Variants in NFIL3 observed in about 807,000 individuals in gnomAD.
The protein encoded by NFIL3 is nuclear factor, interleukin 3 regulated.
NFIL3 carries 5 observed loss-of-function variants against 10.0 expected under a neutral mutation model. The observed-to-expected ratio is 0.50, with a 90% CI of 0.26 to 1.06. The LOEUF (loss-of-function observed/expected upper bound fraction) is 1.06, where lower values mean the gene tolerates loss of function less well. Ranked by LOEUF, NFIL3 falls within the 50% of genes least tolerant of loss-of-function variation. The pLI, the probability that NFIL3 is intolerant of heterozygous loss-of-function variation, is 0.13. For synonymous variants in NFIL3, 202 were observed against 206.5 expected (o/e 0.98, Z 0.19); for missense variants, 436 against 547.6 (o/e 0.80, Z 2.03).
rs1189168389 is a variant in NFIL3 at position 91,410,236 on chromosome 9, C to T, written c.499G>A (p.Glu167Lys). The stretch of plus-strand genomic sequence containing the variant: ...CAACTACTTGACACCATCGAGGGTT[C>T]GTGCTCGTCCACAAATGAACTCACA... Reference protein sequence around the residue: ...SNVSSFVDEHEPSMVSSSCIS... With the variant: ...SNVSSFVDEHKPSMVSSSCIS... The change falls in exon 2 of 2, where the codon GAA becomes AAA. Residue 167 changes from glutamate (E) to lysine (K), a missense_variant. Coordinates refer to ENST00000297689, the MANE Select transcript of NFIL3 (RefSeq NM_005384.3). The surrounding 1 kb of genome is among the most constrained non-coding windows in gnomAD (Gnocchi z 5.7). 5 of 1,613,978 alleles carry T rather than the reference C, an allele frequency of 3.1e-6. No homozygotes were observed. Among genetic ancestry groups the T allele is most frequent in the South Asian group, 1.1e-5 (1 of 91,076 alleles).
the NFIL3 span, among the ~76,000 whole-genome samples, chr9:91,454,405 C>A: frequency 2.6e-5 from 4 of 151,576 alleles, no homozygotes; most frequent in Non-Finnish European, 4.4e-5. Context: ...TACAAAACAC[C>A]GAATTTTTGA....
the NFIL3 span, among the ~76,000 whole-genome samples, chr9:91,457,286 T>C: frequency 1.3e-5 from 2 of 152,080 alleles, no homozygotes; most frequent in African/African-American, 2.4e-5. Context: ...TGTGATCTCA[T>C]TGAATTTATA....
At chr9:91,447,539 A>C in the NFIL3 span, among the ~76,000 whole-genome samples, 1 of 152,210 alleles carries the variant, frequency 6.6e-6, no homozygotes, top group Non-Finnish European at 1.5e-5. Flanking sequence ...GTATCTGTGA[A>C]GTGATATCTC....
chr9:91,409,256 A>C lies in NFIL3; in HGVS notation c.*90T>G. 3 of 1,209,396 alleles carry C rather than the reference A, an allele frequency of 2.5e-6. No individual in the cohort carries two copies. In the East Asian group the frequency reaches 7.1e-5, roughly 29 times the overall value. 74.9% of individuals were successfully genotyped at this position (1,209,396 alleles called of 1,614,324 possible). On this transcript the variant is annotated 3_prime_UTR_variant, in exon 2 of 2. Transcript: ENST00000297689. ...GCACATCACAGTGAAATGACATCAC[A>C]GGTCCAGTGAAAATTCAGCATAATA... is the stretch of plus-strand genomic sequence containing the variant.
chr9:91,432,118 G>A, the NFIL3 span, among the ~76,000 whole-genome samples: 8 of 152,156 alleles, frequency 5.3e-5, no homozygotes, highest in African/African-American at 1.9e-4. Flanking sequence ...AGGGGCTACC[G>A]GGGCAGGTGA....
chr9:91,457,686 A>ATGT, the NFIL3 span, among the ~76,000 whole-genome samples: 1 of 151,952 alleles, frequency 6.6e-6, no homozygotes, highest in Non-Finnish European at 1.5e-5. Flanking sequence ...GTCTTTCATC[A>ATGT]CCTTATTACA....
chr9:91,424,086 G>A (rs1004679488), upstream of NFIL3, among the ~76,000 whole-genome samples: 1 of 151,570 alleles, frequency 6.6e-6, no homozygotes, highest in African/African-American at 2.4e-5. Flanking sequence ...CGCCCGCGAG[G>A]GCTGGCGCCC....
At chr9:91,448,202 G>A in the NFIL3 span, among the ~76,000 whole-genome samples, 1 of 151,446 alleles carries the variant, frequency 6.6e-6, no homozygotes, top group Admixed American at 6.6e-5. Context: ...TTACTTTCTT[G>A]TTCATTTTGG....
At chr9:91,461,629 A>T in the NFIL3 span, among the ~76,000 whole-genome samples, 1 of 152,144 alleles carries the variant, frequency 6.6e-6, no homozygotes, top group East Asian at 1.9e-4. Flanking sequence ...TTCTTGGCTT[A>T]TGGCCGCGTC....
chr9:91,419,800 C>T (rs533724499), intron 1 of NFIL3, among the ~76,000 whole-genome samples: 31 of 152,306 alleles, frequency 2.0e-4, no homozygotes, highest in South Asian at 2.1e-4. Flanking sequence ...TTTTGCTGCT[C>T]GTGACTCTTA....
intron 1 of NFIL3, among the ~76,000 whole-genome samples, chr9:91,420,433 ACTC>A (rs942884769): frequency 3.3e-5 from 5 of 151,588 alleles, no homozygotes; most frequent in African/African-American, 1.2e-4. Context: ...CATTTATTGA[ACTC>A]CTCACAACCA....
intron 1 of NFIL3, among the ~76,000 whole-genome samples, chr9:91,421,823 A>C (rs960105515): frequency 5.9e-5 from 9 of 152,250 alleles, no homozygotes; most frequent in Non-Finnish European, 1.0e-4. Flanking sequence ...CCACAAAAAA[A>C]AACCCTGCAC....
At chr9:91,480,278 A>G in the NFIL3 span, among the ~76,000 whole-genome samples, 5 of 152,164 alleles carry the variant, frequency 3.3e-5, no homozygotes, top group Non-Finnish European at 5.9e-5. Flanking sequence ...AGGAAGCACA[A>G]GAAGGAGAAC....
the NFIL3 span, among the ~76,000 whole-genome samples, chr9:91,442,566 G>A: frequency 6.6e-6 from 1 of 152,160 alleles, no homozygotes; most frequent in Non-Finnish European, 1.5e-5. Context: ...GGGTGTGTGG[G>A]TGAGCAAGTG....
chr9:91,431,515 C>T, the NFIL3 span, among the ~76,000 whole-genome samples: 1 of 152,158 alleles, frequency 6.6e-6, no homozygotes, highest in Non-Finnish European at 1.5e-5. Flanking sequence ...AAAGGTGTCA[C>T]GGGAACAGAG....
chr9:91,477,172 T>C, the NFIL3 span, among the ~76,000 whole-genome samples: 1 of 152,170 alleles, frequency 6.6e-6, no homozygotes, highest in Non-Finnish European at 1.5e-5. Context: ...AATTCCTGTC[T>C]GGAGAGTCAG....
At chr9:91,481,305 C>T in the NFIL3 span, among the ~76,000 whole-genome samples, 3 of 151,964 alleles carry the variant, frequency 2.0e-5, no homozygotes, top group Non-Finnish European at 2.9e-5. Flanking sequence ...TAGCATAAAA[C>T]GTAGTTGGTT....
chr9:91,431,203 A>G, the NFIL3 span, among the ~76,000 whole-genome samples: 2 of 152,172 alleles, frequency 1.3e-5, no homozygotes, highest in South Asian at 2.1e-4. Flanking sequence ...TTTAAAACAC[A>G]TTGTTTTAAA....
At chr9:91,477,158 G>T in the NFIL3 span, among the ~76,000 whole-genome samples, 1 of 152,130 alleles carries the variant, frequency 6.6e-6, no homozygotes, top group African/African-American at 2.4e-5. Context: ...TGCTGGCTGG[G>T]CTGAATTCCT....
Sources: allele counts gnomAD v4.1 joint callset (sites outside exome capture counted in the v4.1 genomes callset), GRCh38; gene constraint gnomAD v4.1.1; non-coding constraint Gnocchi (gnomAD v3.1); transcripts MANE v1.5; gene names NCBI Gene and HGNC (gene_info 2026-07-23, HGNC 2026-07-21).